The following INTS13 variants were observed in gnomAD, a reference collection of about 807,000 sequenced individuals.
INTS13 encodes the protein asunder, spermatogenesis regulator homolog (Drosphila).
In INTS13, 35 loss-of-function variants were observed where a neutral mutation model predicts 90.2. That is an observed-to-expected ratio of 0.39 (90% CI 0.30 to 0.51). INTS13 has a LOEUF of 0.51. Ranked by LOEUF, INTS13 falls within the 20% of genes least tolerant of loss-of-function variation. INTS13 has a pLI of 0.80. For missense variants in INTS13, 601 were observed against 851.2 expected (o/e 0.71, Z 3.66); for synonymous variants, 309 against 277.1 (o/e 1.11, Z -1.14).
At chr12:26,905,842 A>G (rs912989033) in intron 16 of INTS13, among the ~76,000 whole-genome samples, 3 of 152,170 alleles carry the variant, frequency 2.0e-5, no homozygotes, top group Non-Finnish European at 4.4e-5. Flanking sequence ...AAATCTCTAC[A>G]ATTTCATCAA....
rs708157 is a variant in INTS13 at position 26,932,823 on chromosome 12, T to A, written c.300+1733A>T. 7.2e-5 allele frequency among the ~76,000 whole-genome samples: 11 copies of A among 152,126 alleles called. No homozygotes were observed. In the South Asian group the frequency reaches 2.3e-3, roughly 31 times the overall value. Reference sequence around the variant, plus strand: ...ACTCCAATATTTGGAGGTTCCCTAGTGCAAACAATCAGCTAAAACTACAAT... The same window carrying A: ...ACTCCAATATTTGGAGGTTCCCTAGAGCAAACAATCAGCTAAAACTACAAT... On this transcript the variant is annotated intron_variant, in intron 3 of 16. Transcript: ENST00000261191.
intron 14 of INTS13, among the ~76,000 whole-genome samples, chr12:26,912,327 C>A (rs1383235464): frequency 1.3e-5 from 2 of 152,056 alleles, no homozygotes; most frequent in Non-Finnish European, 2.9e-5. Context: ...ATCCCAGCTA[C>A]CTGAGAGGCT....
intron 4 of INTS13, 134 bp downstream of exon 4, chr12:26,928,566 AAAG>A: frequency 2.3e-6 from 2 of 877,926 alleles, no homozygotes; most frequent in Non-Finnish European, 3.4e-6. Flanking sequence ...AAAAAAAAAA[AAAG>A]AAAAAAATCA....
intron 2 of INTS13, among the ~76,000 whole-genome samples, chr12:26,936,099 G>A (rs1938442433): frequency 6.6e-6 from 1 of 152,158 alleles, no homozygotes; most frequent in Admixed American, 6.5e-5. Flanking sequence ...TCAAATTCTG[G>A]CTCTGCCTCT....
Position 26,925,860 on chromosome 12 carries a change from G to T in INTS13, c.585-9C>A. On this transcript the variant is annotated splice_polypyrimidine_tract_variant and intron_variant, in intron 5 of 16. Coordinates refer to ENST00000261191, the MANE Select transcript of INTS13 (RefSeq NM_018164.3). ...TTTGAATCTGCATGAGACTTAAAGAGAAATTTTTGACTTAAAATTTAAGAA... is the reference window on the plus strand; with the variant it reads ...TTTGAATCTGCATGAGACTTAAAGATAAATTTTTGACTTAAAATTTAAGAA... 6.3e-7 allele frequency: 1 copy of T among 1,597,920 alleles called. No individual in the cohort carries two copies. Among genetic ancestry groups the T allele is most frequent in the Non-Finnish European group, 8.5e-7 (1 of 1,170,100 alleles).
chr12:26,911,207 T>A lies in INTS13; in HGVS notation c.1916A>T (p.Asp639Val). The A allele has an allele frequency of 6.2e-7, 1 of 1,613,882 alleles. No individual in the cohort carries two copies. ...TGATTTTTCCACTTGTGGAGTTTCATCCATTTCAACAAGGGGTTTTTTGTT... is the reference window on the plus strand; with the variant it reads ...TGATTTTTCCACTTGTGGAGTTTCAACCATTTCAACAAGGGGTTTTTTGTT... ...PPNKKPLVEMDETPQVEKSKG... is the reference protein window; with the variant it reads ...PPNKKPLVEMVETPQVEKSKG... The change falls in exon 15 of 17, where the codon GAT becomes GTT. Residue 639 changes from aspartate (D) to valine (V), a missense_variant. Asp to Val is a radical substitution (Grantham distance 152). Transcript: ENST00000261191.
intron 8 of INTS13, among the ~76,000 whole-genome samples, chr12:26,921,749 A>C (rs1592215782): frequency 6.6e-6 from 1 of 152,138 alleles, no homozygotes; most frequent in South Asian, 2.1e-4. Context: ...TCCGCCTCCC[A>C]GGTTCAAGAG....
At chr12:26,909,560 G>A (rs1289355627) in intron 15 of INTS13, among the ~76,000 whole-genome samples, 1 of 146,444 alleles carries the variant, frequency 6.8e-6, no homozygotes, top group Non-Finnish European at 1.5e-5. Context: ...TGCAATCTCT[G>A]CCTCAGTAAT....
chr12:26,924,318 C>T (rs1252662178), intron 7 of INTS13, 37 bp downstream of exon 7: 1 of 1,604,990 alleles, frequency 6.2e-7, no homozygotes, highest in Non-Finnish European at 8.5e-7. Context: ...AAAAGCAAAG[C>T]AGTGCTTTCA....
intron 3 of INTS13, among the ~76,000 whole-genome samples, chr12:26,930,574 T>C (rs1437067976): frequency 6.6e-6 from 1 of 152,230 alleles, no homozygotes; most frequent in Non-Finnish European, 1.5e-5. Flanking sequence ...TGAACACCAG[T>C]GATTTGCTAT....
chr12:26,909,507 TACTC>T (rs1360355072), intron 15 of INTS13, among the ~76,000 whole-genome samples: 1 of 150,004 alleles, frequency 6.7e-6, no homozygotes, highest in Non-Finnish European at 1.5e-5. Flanking sequence ...GATGGAGTCT[TACTC>T]TGTCGCCTGG....
At chr12:26,924,549 A>G in intron 6 of INTS13, 66 bp from the exon 7 acceptor site, 1 of 1,478,510 alleles carries the variant, frequency 6.8e-7, no homozygotes, top group Non-Finnish European at 9.2e-7. Flanking sequence ...ACTGCTAAAT[A>G]TTTTAGTATA....
Position 26,924,802 on chromosome 12 carries a change from C to T in INTS13, c.676-319G>A, listed in dbSNP as rs149923457. 7.4e-3 allele frequency among the ~76,000 whole-genome samples: 1,126 copies of T among 152,100 alleles called. 10 individuals carry two copies. Among genetic ancestry groups the T allele is most frequent in the Admixed American group, 0.016 (247 of 15,270 alleles). On this transcript the variant is annotated intron_variant, in intron 6 of 16. Transcript: ENST00000261191. ...TAAATATATTTCTTTACAATTTTTA[C>T]GTCTTTTTATCTATATGCAAAAATG... is the stretch of plus-strand genomic sequence containing the variant.
chr12:26,928,840 A>G lies in INTS13; in HGVS notation c.366T>C (p.Ile122=), dbSNP rs887256356. 6.2e-7 allele frequency: 1 copy of G among 1,614,234 alleles called. No homozygotes were observed. The highest frequency in any genetic ancestry group is 8.5e-7 in the Non-Finnish European group (1 of 1,180,044). The change falls in exon 4 of 17, where the codon ATT becomes ATC. Residue 122 remains isoleucine (I), a synonymous_variant. Coordinates refer to ENST00000261191, the MANE Select transcript of INTS13 (RefSeq NM_018164.3). ...NPRADPECCS[I]LHGLVAAVET... ...CCACTGCTGCAACAAGGCCATGCAG[A>G]ATACTGCAGCACTCTGGATCTGCCC...
At chr12:26,915,428 A>G (rs1951903865) in intron 11 of INTS13, among the ~76,000 whole-genome samples, 1 of 152,176 alleles carries the variant, frequency 6.6e-6, no homozygotes, top group Admixed American at 6.6e-5. Flanking sequence ...ATCCTAATTA[A>G]AAAGTTACTT....
At chr12:26,929,473 T>G (rs1288691189) in intron 3 of INTS13, among the ~76,000 whole-genome samples, 1 of 151,400 alleles carries the variant, frequency 6.6e-6, no homozygotes, top group Non-Finnish European at 1.5e-5. Context: ...GTAATCCCAG[T>G]ACTTTGGGAA....
chr12:26,934,783 A>G (rs558482801), intron 2 of INTS13, among the ~76,000 whole-genome samples, 153 bp from the exon 3 acceptor site: 1 of 152,324 alleles, frequency 6.6e-6, no homozygotes, highest in African/African-American at 2.4e-5. Flanking sequence ...GCCAGGTGCT[A>G]TTGCTGGCAC....
intron 8 of INTS13, among the ~76,000 whole-genome samples, chr12:26,919,415 C>G (rs1233530399): frequency 1.3e-5 from 2 of 152,000 alleles, no homozygotes; most frequent in Non-Finnish European, 2.9e-5. Context: ...AACAGAAAAG[C>G]ATAGGCACGG....
chr12:26,911,456 T>C (rs1195128494), intron 14 of INTS13, 139 bp from the exon 15 acceptor site: 2 of 583,584 alleles, frequency 3.4e-6, no homozygotes, highest in African/African-American at 3.9e-5. Flanking sequence ...TAATCAAAAA[T>C]CTCAATCTAA....
Sources: gnomAD v4.1 joint callset for allele counts (sites outside exome capture counted in the v4.1 genomes callset) on GRCh38, gnomAD v4.1.1 for gene constraint, MANE v1.5 for transcripts, NCBI Gene and HGNC (gene_info 2026-07-23, HGNC 2026-07-21) for gene names.